SDK2: variants seen among roughly 807,000 people sequenced by gnomAD.
SDK2 encodes sidekick cell adhesion molecule 2.
In SDK2, 105 loss-of-function variants were observed where a neutral mutation model predicts 253.9. The ratio of observed to expected loss-of-function variants is 0.41; its 90% confidence interval spans 0.35 to 0.49. SDK2 has a LOEUF of 0.49. SDK2 is among the 20% of genes least tolerant of loss of function. The probability of loss-of-function intolerance (pLI) is 0.06; values close to 1 mark genes in which losing one functional copy is unlikely to be tolerated. For synonymous variants in SDK2, 1,249 were observed against 1,234.9 expected, an observed-to-expected ratio of 1.01 and a Z score of -0.24; for missense variants, 2,608 against 3,003.0, an observed-to-expected ratio of 0.87 and a Z score of 3.07.
At chr17:73,461,578 AAAG>A (rs1276134661) in intron 3 of SDK2, among the ~76,000 whole-genome samples, 2 of 152,146 alleles carry the variant, frequency 1.3e-5, no homozygotes, top group Non-Finnish European at 2.9e-5. Context: ...AGAGGAAATA[AAAG>A]AAGGCCAGTG....
At chr17:73,479,345 G>A (rs1404061436) in intron 2 of SDK2, among the ~76,000 whole-genome samples, 2 of 151,504 alleles carry the variant, frequency 1.3e-5, no homozygotes, top group Admixed American at 6.6e-5. Context: ...ATGTCTGTGC[G>A]TGTGTGTGTG....
At chr17:73,401,855 G>T in intron 19 of SDK2, 91 bp downstream of exon 19, 1 of 1,401,982 alleles carries the variant, frequency 7.1e-7, no homozygotes, top group Non-Finnish European at 9.8e-7. Flanking sequence ...TCTCAGCCTG[G>T]GAGACAAGCC....
At chr17:73,509,814 C>T (rs1360739483) in intron 1 of SDK2, among the ~76,000 whole-genome samples, 2 of 145,110 alleles carry the variant, frequency 1.4e-5, no homozygotes, top group Admixed American at 7.0e-5. Context: ...GCAGGAGAAT[C>T]GCTTAAACTC....
rs1447213116 is a variant in SDK2 at position 73,511,516 on chromosome 17, G to A, written c.65-3919C>T. Among the ~76,000 whole-genome samples the A allele has an allele frequency of 1.3e-5, 2 of 152,198 alleles. No homozygotes were observed. Among genetic ancestry groups the A allele is most frequent in the Non-Finnish European group, 2.9e-5 (2 of 68,028 alleles). On this transcript the variant is annotated intron_variant, in intron 1 of 44. Transcript: ENST00000392650. This position sits in a 1 kb window ranked among gnomAD's most constrained non-coding sequence, Gnocchi z 4.9. ...TTGCTTGGATGGGTTGACTCCAGAGGCTGCTGGAGATAATGACTCTGGGGA... is the reference window on the plus strand; with the variant it reads ...TTGCTTGGATGGGTTGACTCCAGAGACTGCTGGAGATAATGACTCTGGGGA...
intron 1 of SDK2, among the ~76,000 whole-genome samples, chr17:73,545,095 G>GCATGCACACACACACACA (rs1222193318): frequency 2.3e-3 from 174 of 75,302 alleles, no homozygotes; most frequent in African/African-American, 0.014. Flanking sequence ...GCGTGCACGT[G>GCATGCACACACACACACA]CACGCACACA....
intron 10 of SDK2, among the ~76,000 whole-genome samples, chr17:73,433,060 A>G (rs1329164704): frequency 2.0e-5 from 3 of 152,118 alleles, no homozygotes; most frequent in African/African-American, 7.2e-5. Flanking sequence ...TTCATCATCA[A>G]GCACCTATCG....
intron 39 of SDK2, among the ~76,000 whole-genome samples, 151 bp from the exon 40 acceptor site, chr17:73,358,355 A>G (rs2030099): frequency 0.93 from 141,001 of 152,132 alleles, 65,778 homozygotes; most frequent in Non-Finnish European, 0.98. Flanking sequence ...GCCTGAGAGT[A>G]CATCTCAGGC....
chr17:73,395,081 C>T lies in SDK2; in HGVS notation c.3592+74G>A, dbSNP rs2062959058. 3 of 1,215,458 alleles carry T rather than the reference C, an allele frequency of 2.5e-6. No homozygotes were observed. The highest frequency in any genetic ancestry group is 1.4e-5 in the South Asian group (1 of 71,876). The allele number at this position is 1,215,458 out of a possible 1,614,324, so 75.3% of individuals were successfully genotyped here. A position where few individuals can be genotyped will look rare whatever the true frequency, so the allele number is the denominator to read the frequency against. On this transcript the variant is annotated intron_variant, in intron 25 of 44. Coordinates refer to ENST00000392650, the MANE Select transcript of SDK2 (RefSeq NM_001144952.2). This position sits in a 1 kb window ranked among gnomAD's most constrained non-coding sequence, Gnocchi z 4.3. ...AACAACACCTTCAGCCTGGCACGCG[C>T]TTGGATGACCCTGAGGGCATAGAGA...
chr17:73,394,144 C>A, intron 26 of SDK2, 65 bp downstream of exon 26: 5 of 1,004,212 alleles, frequency 5.0e-6, no homozygotes, highest in Non-Finnish European at 7.1e-6. Flanking sequence ...AGGACAAGGC[C>A]CCTTGGATGG....
chr17:73,611,971 G>C (rs1268993803), intron 1 of SDK2, among the ~76,000 whole-genome samples: 1 of 152,108 alleles, frequency 6.6e-6, no homozygotes, highest in Non-Finnish European at 1.5e-5. Flanking sequence ...TGGTCACAGA[G>C]ACTGTAAGTA....
In SDK2 at chr17:73,447,835, C is replaced by G; in HGVS notation, c.480-87G>C. 6.8e-7 allele frequency: 1 copy of G among 1,479,642 alleles called. No individual in the cohort carries two copies. Among genetic ancestry groups the G allele is most frequent in the South Asian group, 1.2e-5 (1 of 80,698 alleles). 91.7% of individuals were successfully genotyped at this position (1,479,642 alleles called of 1,614,324 possible). On this transcript the variant is annotated intron_variant, in intron 4 of 44. Transcript: ENST00000392650. This position sits in a 1 kb window ranked among gnomAD's most constrained non-coding sequence, Gnocchi z 4.0. ...GGGAGTGGAAACCCTAAGGGGGAAG[C>G]CCGACCATATCTCCCAGTCCCCAGC...
chr17:73,500,581 C>T (rs1371607804), intron 2 of SDK2, among the ~76,000 whole-genome samples: 1 of 148,630 alleles, frequency 6.7e-6, no homozygotes, highest in Non-Finnish European at 1.5e-5. Context: ...CTCTGTTCTC[C>T]TCCATCCTCT....
intron 1 of SDK2, among the ~76,000 whole-genome samples, chr17:73,543,974 G>A (rs1204678703): frequency 6.6e-6 from 1 of 152,212 alleles, no homozygotes; most frequent in Non-Finnish European, 1.5e-5. Context: ...CACCAGGAGA[G>A]CTCCACAGAC....
rs2046416283 is a variant in SDK2 at position 73,642,950 on chromosome 17, C to T, written c.64+1075G>A. On this transcript the variant is annotated intron_variant, in intron 1 of 44. Transcript: ENST00000392650. This position sits in a 1 kb window ranked among gnomAD's most constrained non-coding sequence, Gnocchi z 4.7. ...CACAGTCCGGACCCCTAGGGTGGGT[C>T]TGGCCCCCTCCTGAGCCTGCGAGAG... 1 of 152,174 alleles carries T rather than the reference C, an allele frequency of 6.6e-6. No individual in the cohort carries two copies. 9.4% of individuals were successfully genotyped at this position (152,174 alleles called of 1,614,324 possible). A position where few individuals can be genotyped will look rare whatever the true frequency, so the allele number is the denominator to read the frequency against.
intron 44 of SDK2, among the ~76,000 whole-genome samples, chr17:73,342,714 C>T (rs1433315561): frequency 6.6e-6 from 1 of 152,126 alleles, no homozygotes; most frequent in African/African-American, 2.4e-5. Context: ...AAACGAGTCT[C>T]TGGGGGGAGG....
At chr17:73,512,570 CACAT>C (rs1240419542) in intron 1 of SDK2, among the ~76,000 whole-genome samples, 1 of 152,086 alleles carries the variant, frequency 6.6e-6, no homozygotes, top group African/African-American at 2.4e-5. Flanking sequence ...CACACACACA[CACAT>C]ACACATACGA....
At chr17:73,393,242 C>CAAAAAA (rs11443969) in intron 27 of SDK2, among the ~76,000 whole-genome samples, 347 of 79,094 alleles carry the variant, frequency 4.4e-3, no homozygotes, top group Middle Eastern at 0.012. Flanking sequence ...GATACTCTAT[C>CAAAAAA]AAAAAAAAAA....
Position 73,380,653 on chromosome 17 carries a change from C to T in SDK2, c.4762+241G>A, listed in dbSNP as rs537546653. On this transcript the variant is annotated intron_variant, in intron 34 of 44. Coordinates refer to ENST00000392650, the MANE Select transcript of SDK2 (RefSeq NM_001144952.2). Reference sequence around the variant, plus strand: ...CCCGACCCAGCCGAGCACAGGGTTACAGACTTCCCTTTTCCAGCCCACACC... The same window carrying T: ...CCCGACCCAGCCGAGCACAGGGTTATAGACTTCCCTTTTCCAGCCCACACC... Among the ~76,000 whole-genome samples, 10 of 152,362 alleles carry T rather than the reference C, an allele frequency of 6.6e-5. No homozygotes were observed. In the East Asian group the frequency reaches 1.2e-3, roughly 18 times the overall value.
Position 73,438,100 on chromosome 17 carries a change from G to T in SDK2, c.780C>A (p.Gly260=). The T allele has an allele frequency of 6.4e-7, 1 of 1,551,672 alleles. No individual in the cohort carries two copies. The highest frequency in any genetic ancestry group is 2.0e-5 in the Admixed American group (1 of 51,004). ...GCCGGCGGTTGTGGTCACTGATGCCGCCCGACAGCAATACCCCGTCCTTCT... is the reference window on the plus strand; with the variant it reads ...GCCGGCGGTTGTGGTCACTGATGCCTCCCGACAGCAATACCCCGTCCTTCT... ...IWKKDGVLLS[G]GISDHNRRLT... Residue 260 remains glycine (G), a synonymous_variant, in exon 7 of 45, where the codon GGC becomes GGA. Transcript: ENST00000392650.
Sources: allele counts gnomAD v4.1 joint callset (sites outside exome capture counted in the v4.1 genomes callset), GRCh38; gene constraint gnomAD v4.1.1; non-coding constraint Gnocchi (gnomAD v3.1); transcripts MANE v1.5; gene names NCBI Gene and HGNC (gene_info 2026-07-23, HGNC 2026-07-21).